Variants in CSMD1 observed in about 807,000 individuals in gnomAD.
The protein encoded by CSMD1 is CUB and sushi domain-containing protein 1.
A neutral mutation model predicts 417.5 loss-of-function variants in CSMD1; 213 were observed. The observed-to-expected ratio is 0.51, with a 90% CI of 0.46 to 0.57. The LOEUF is 0.57. Ranked by LOEUF, CSMD1 falls within the 20% of genes least tolerant of loss-of-function variation. CSMD1 has a pLI of 0.00. For synonymous variants in CSMD1, 2,862 were observed against 1,736.8 expected, an observed-to-expected ratio of 1.65 and a Z score of -16.11; for missense variants, 6,923 against 4,529.7, an observed-to-expected ratio of 1.53 and a Z score of -15.17.
intron 1 of CSMD1, among the ~76,000 whole-genome samples, chr8:4,758,566 C>G (rs1158390818): frequency 2.0e-5 from 3 of 152,158 alleles, no homozygotes; most frequent in East Asian, 1.9e-4. Flanking sequence ...AGTCCATTTT[C>G]TCACTGCTAT....
chr8:4,991,104 C>A (rs1302537492), intron 1 of CSMD1, among the ~76,000 whole-genome samples: 1 of 152,114 alleles, frequency 6.6e-6, no homozygotes, highest in Non-Finnish European at 1.5e-5. Context: ...CATGGCTGCA[C>A]ATATGCAAGA....
At chr8:4,625,556 T>A (rs1802048638) in intron 2 of CSMD1, among the ~76,000 whole-genome samples, 1 of 151,894 alleles carries the variant, frequency 6.6e-6, no homozygotes, top group African/African-American at 2.4e-5. Context: ...AAGTAGGACT[T>A]CCCTGCCTCC....
rs1373207754 is a variant in CSMD1 at position 4,820,498 on chromosome 8, G to C, written c.85+173834C>G. Among the ~76,000 whole-genome samples the C allele has an allele frequency of 2.6e-5, 4 of 152,246 alleles. No individual in the cohort carries two copies. The South Asian group carries it at 8.3e-4, about 32-fold the overall frequency. ...CAAAAAGCCTACCAAAGAGCCATAA[G>C]GAAATGGCCAACCTCCTCTCAGAAA... On this transcript the variant is annotated intron_variant, in intron 1 of 69. Transcript: ENST00000635120.
intron 31 of CSMD1, among the ~76,000 whole-genome samples, chr8:3,202,952 C>G (rs945989531): frequency 6.6e-6 from 1 of 152,100 alleles, no homozygotes; most frequent in African/African-American, 2.4e-5. Flanking sequence ...AGGGAGAGGA[C>G]TTAATAATTT....
intron 22 of CSMD1, among the ~76,000 whole-genome samples, chr8:3,345,296 A>C (rs932388159): frequency 6.6e-6 from 1 of 152,140 alleles, no homozygotes; most frequent in African/African-American, 2.4e-5. Flanking sequence ...AACCACTAAA[A>C]ATGAACAGCT....
Position 2,963,746 on chromosome 8 carries a change from G to A in CSMD1, c.9281-351C>T, listed in dbSNP as rs562111436. On this transcript the variant is annotated intron_variant, in intron 59 of 69. Coordinates refer to ENST00000635120, the MANE Select transcript of CSMD1 (RefSeq NM_033225.6). ...CAAAGACAATTCGAATGAGGATTTGGTCAGATGACACAAATTTATAGGCAC... is the reference window on the plus strand; with the variant it reads ...CAAAGACAATTCGAATGAGGATTTGATCAGATGACACAAATTTATAGGCAC... Among the ~76,000 whole-genome samples, 4 of 152,274 alleles carry A rather than the reference G, an allele frequency of 2.6e-5. No homozygotes were observed. The South Asian group carries it at 8.3e-4, about 32-fold the overall frequency.
chr8:3,421,356 C>T (rs1305935782), intron 12 of CSMD1, among the ~76,000 whole-genome samples: 2 of 152,164 alleles, frequency 1.3e-5, no homozygotes, highest in African/African-American at 4.8e-5. Context: ...GGGAGCCACA[C>T]ATTGAATGGG....
chr8:4,239,986 A>G (rs1802293459), intron 3 of CSMD1, among the ~76,000 whole-genome samples: 1 of 152,234 alleles, frequency 6.6e-6, no homozygotes, highest in Non-Finnish European at 1.5e-5. Flanking sequence ...GTGATTTCTT[A>G]AAAATACATA....
At chr8:4,518,243 C>G (rs1034175756) in intron 2 of CSMD1, among the ~76,000 whole-genome samples, 15 of 152,096 alleles carry the variant, frequency 9.9e-5, no homozygotes, top group African/African-American at 3.6e-4. Context: ...TTTCATTTCT[C>G]CCTCCCACAG....
chr8:3,211,809 G>A (rs1797625930), intron 30 of CSMD1, among the ~76,000 whole-genome samples: 1 of 152,222 alleles, frequency 6.6e-6, no homozygotes, highest in African/African-American at 2.4e-5. Flanking sequence ...GCAGCTCACA[G>A]GCAGCTCCTG....
intron 2 of CSMD1, among the ~76,000 whole-genome samples, chr8:4,574,465 C>T (rs1385128554): frequency 6.6e-6 from 1 of 152,166 alleles, no homozygotes; most frequent in South Asian, 2.1e-4. Flanking sequence ...TACTTTCTAA[C>T]CAGTCCCAGT....
chr8:3,670,904 T>TGTATGGGATATACAA (rs1563255664), intron 7 of CSMD1, among the ~76,000 whole-genome samples: 461 of 111,310 alleles, frequency 4.1e-3, no homozygotes, highest in South Asian at 8.0e-3. Context: ...GTGATATATA[T>TGTATGGGATATACAA]GTATATGGGA....
intron 1 of CSMD1, among the ~76,000 whole-genome samples, chr8:4,772,532 G>T (rs1796654354): frequency 6.6e-6 from 1 of 152,080 alleles, no homozygotes; most frequent in Admixed American, 6.6e-5. Context: ...TGGATATTTT[G>T]AGAAAAGTTT....
chr8:4,962,489 G>C (rs935482058), intron 1 of CSMD1, among the ~76,000 whole-genome samples: 8 of 152,120 alleles, frequency 5.3e-5, no homozygotes, highest in African/African-American at 1.9e-4. Flanking sequence ...GAGATTCCAG[G>C]CATGTCCCAT....
At chr8:4,066,379 C>A (rs914007410) in intron 3 of CSMD1, among the ~76,000 whole-genome samples, 2 of 152,200 alleles carry the variant, frequency 1.3e-5, no homozygotes, top group Admixed American at 6.5e-5. Flanking sequence ...CCACTCAGCG[C>A]AGGGATGTTT....
chr8:3,856,977 T>TC (rs1789127134), intron 5 of CSMD1, among the ~76,000 whole-genome samples: 1 of 152,134 alleles, frequency 6.6e-6, no homozygotes, highest in Admixed American at 6.6e-5. Flanking sequence ...AATTTGGAAT[T>TC]TTTTTTATTT....
At chr8:4,774,817 T>C (rs551200756) in intron 1 of CSMD1, among the ~76,000 whole-genome samples, 1 of 151,530 alleles carries the variant, frequency 6.6e-6, no homozygotes, top group South Asian at 2.1e-4. Flanking sequence ...TCGCTCTTTC[T>C]CTCTTCCTCC....
At chr8:4,131,500 G>A (rs1184245324) in intron 3 of CSMD1, among the ~76,000 whole-genome samples, 5 of 152,098 alleles carry the variant, frequency 3.3e-5, no homozygotes, top group South Asian at 2.1e-4. Context: ...TTTCCCCTTG[G>A]ATATTCACTA....
intron 3 of CSMD1, among the ~76,000 whole-genome samples, chr8:4,216,388 G>C (rs763136061): frequency 6.6e-6 from 1 of 152,186 alleles, no homozygotes; most frequent in Non-Finnish European, 1.5e-5. Context: ...CATCAGAATA[G>C]TGTGTACTAT....
Sources: allele counts gnomAD v4.1 joint callset (sites outside exome capture counted in the v4.1 genomes callset), GRCh38; gene constraint gnomAD v4.1.1; transcripts MANE v1.5; gene names NCBI Gene and HGNC (gene_info 2026-07-23, HGNC 2026-07-21).